The following DYNC1I1 variants were observed in gnomAD, a reference collection of about 807,000 sequenced individuals.
DYNC1I1 encodes cytoplasmic dynein 1 intermediate chain 1.
A neutral mutation model predicts 86.6 loss-of-function variants in DYNC1I1; 43 were observed. That is an observed-to-expected ratio of 0.50 (90% CI 0.39 to 0.64). The LOEUF (loss-of-function observed/expected upper bound fraction) is 0.64. DYNC1I1 is among the 30% of genes least tolerant of loss of function. The pLI, the probability that DYNC1I1 is intolerant of heterozygous loss-of-function variation, is 0.00. For missense variants in DYNC1I1, 604 were observed against 788.8 expected (o/e 0.77, Z 2.81); for synonymous variants, 262 against 283.7 (o/e 0.92, Z 0.77).
chr7:96,082,687 C>T (rs1357930508), intron 16 of DYNC1I1, among the ~76,000 whole-genome samples: 1 of 152,108 alleles, frequency 6.6e-6, no homozygotes, highest in South Asian at 2.1e-4. Flanking sequence ...TAAGGAAACA[C>T]AATATGACAT....
At chr7:95,778,490 T>G (rs1446747783) in intron 1 of DYNC1I1, among the ~76,000 whole-genome samples, 1 of 152,144 alleles carries the variant, frequency 6.6e-6, no homozygotes, top group Non-Finnish European at 1.5e-5. Flanking sequence ...TGTATGGGAC[T>G]CAAATTAGAG....
intron 7 of DYNC1I1, among the ~76,000 whole-genome samples, chr7:95,984,254 G>C (rs1793526530): frequency 6.6e-6 from 1 of 152,090 alleles, no homozygotes; most frequent in Non-Finnish European, 1.5e-5. Context: ...GTGAAAGCAG[G>C]TTTGGAATGA....
chr7:96,017,770 A>T (rs1794438856), intron 10 of DYNC1I1, among the ~76,000 whole-genome samples: 1 of 152,172 alleles, frequency 6.6e-6, no homozygotes, highest in African/African-American at 2.4e-5. Context: ...GAATAGACAC[A>T]CTCAATTTCA....
chr7:95,883,676 C>CAGTG (rs1790516290), intron 6 of DYNC1I1, among the ~76,000 whole-genome samples: 1 of 152,082 alleles, frequency 6.6e-6, no homozygotes, highest in Admixed American at 6.5e-5. Flanking sequence ...AATATGTTGG[C>CAGTG]AGTGAGAGAT....
intron 4 of DYNC1I1, among the ~76,000 whole-genome samples, chr7:95,824,625 A>G (rs1795164888): frequency 6.6e-6 from 1 of 152,226 alleles, no homozygotes; most frequent in Admixed American, 6.5e-5. Flanking sequence ...AGAGAAAGCT[A>G]AAAGGCAGTT....
intron 5 of DYNC1I1, among the ~76,000 whole-genome samples, chr7:95,868,765 C>T (rs1184974904): frequency 6.6e-6 from 1 of 152,110 alleles, no homozygotes; most frequent in Admixed American, 6.5e-5. Context: ...GGTACATAGA[C>T]ATTACCCATA....
chr7:96,000,483 C>T (rs1793981991), intron 10 of DYNC1I1, among the ~76,000 whole-genome samples: 1 of 152,100 alleles, frequency 6.6e-6, no homozygotes, highest in South Asian at 2.1e-4. Flanking sequence ...TGGATCAGAC[C>T]AGAGAAATAG....
At chr7:96,044,301 G>A (rs560303843) in intron 14 of DYNC1I1, among the ~76,000 whole-genome samples, 15 of 152,282 alleles carry the variant, frequency 9.9e-5, no homozygotes, top group Non-Finnish European at 1.0e-4. Flanking sequence ...ACATCAGGAC[G>A]GGAATATGTC....
At chr7:96,091,054 G>A (rs1432646519) in intron 16 of DYNC1I1, among the ~76,000 whole-genome samples, 1 of 152,132 alleles carries the variant, frequency 6.6e-6, no homozygotes, top group East Asian at 1.9e-4. Flanking sequence ...GTGTGGTAAA[G>A]GGAATTGTCC....
intron 6 of DYNC1I1, among the ~76,000 whole-genome samples, chr7:95,958,016 T>A (rs1792764815): frequency 6.6e-6 from 1 of 152,158 alleles, no homozygotes. Context: ...TTATTGGTAT[T>A]TTGGGCTGGT....
chr7:95,834,901 G>T (rs1211187978), intron 5 of DYNC1I1, among the ~76,000 whole-genome samples: 1 of 151,794 alleles, frequency 6.6e-6, no homozygotes, highest in South Asian at 2.1e-4. Flanking sequence ...TATGTATTTT[G>T]TTGATCCTTT....
chr7:96,098,433 C>T, downstream of DYNC1I1: 1 of 984,790 alleles, frequency 1.0e-6, no homozygotes, highest in South Asian at 4.7e-5. Flanking sequence ...CAGGTCTGCA[C>T]CAGTGTGAGT....
At chr7:95,927,457 G>T (rs1791775400) in intron 6 of DYNC1I1, among the ~76,000 whole-genome samples, 1 of 152,108 alleles carries the variant, frequency 6.6e-6, no homozygotes, top group Non-Finnish European at 1.5e-5. Context: ...AGGACTTAAG[G>T]CCATTATTGG....
chr7:96,020,705 C>A (rs1279448192), intron 10 of DYNC1I1, among the ~76,000 whole-genome samples: 2 of 152,156 alleles, frequency 1.3e-5, no homozygotes, highest in African/African-American at 4.8e-5. Context: ...TAGTTGTGCA[C>A]CCATATTCTT....
intron 4 of DYNC1I1, among the ~76,000 whole-genome samples, chr7:95,822,550 G>A (rs1795099327): frequency 6.6e-6 from 1 of 152,104 alleles, no homozygotes; most frequent in Admixed American, 6.6e-5. Context: ...TAATTGGCAT[G>A]TCCAAAACAG....
chr7:95,996,052 A>G lies in DYNC1I1; in HGVS notation c.948A>G (p.Pro316=). 1 of 1,614,086 alleles carries G rather than the reference A, an allele frequency of 6.2e-7. No individual in the cohort carries two copies. The highest frequency in any genetic ancestry group is 8.5e-7 in the Non-Finnish European group (1 of 1,179,960). Residue 316 remains proline (P), a synonymous_variant, in exon 10 of 17, where the codon CCA becomes CCG. Transcript: ENST00000447467. ...ACATGAAGTTTAAGAAAACCACACC[A>G]GAATACGTCTTCCACTGTCAGGTAG... ...VWNMKFKKTT[P]EYVFHCQSSV... is the part of the protein sequence containing the mutation.
chr7:95,967,226 T>C (rs982024510), intron 6 of DYNC1I1, among the ~76,000 whole-genome samples: 1 of 152,164 alleles, frequency 6.6e-6, no homozygotes. Flanking sequence ...GCCATAATCT[T>C]AAACATAATA....
chr7:95,893,263 A>C (rs1790791740), intron 6 of DYNC1I1, among the ~76,000 whole-genome samples: 1 of 152,196 alleles, frequency 6.6e-6, no homozygotes, highest in African/African-American at 2.4e-5. Context: ...AGAAATATAA[A>C]TAAGGGAGTG....
chr7:95,977,886 A>G (rs1793349078), intron 7 of DYNC1I1, among the ~76,000 whole-genome samples: 1 of 152,238 alleles, frequency 6.6e-6, no homozygotes, highest in African/African-American at 2.4e-5. Context: ...TTGCCATGTT[A>G]TCTCATTCAC....
Sources: allele counts gnomAD v4.1 joint callset (sites outside exome capture counted in the v4.1 genomes callset), GRCh38; gene constraint gnomAD v4.1.1; transcripts MANE v1.5; gene names NCBI Gene and HGNC (gene_info 2026-07-23, HGNC 2026-07-21).